Variants in PCDHGB5 observed in about 807,000 individuals in gnomAD.
The protein encoded by PCDHGB5 is protocadherin gamma subfamily B, 5, also known as protocadherin gamma-B5.
A neutral mutation model predicts 62.9 loss-of-function variants in PCDHGB5; 48 were observed. That is an observed-to-expected ratio of 0.76 (90% confidence interval 0.61 to 0.97). The LOEUF is 0.97. Among genes scored for constraint, PCDHGB5 ranks in the 50% least tolerant of loss-of-function variants. The probability of loss-of-function intolerance (pLI) is 0.00; values close to 1 mark genes in which losing one functional copy is unlikely to be tolerated. For missense variants in PCDHGB5, 1,118 were observed against 1,198.6 expected (o/e 0.93, Z 0.99); for synonymous variants, 474 against 511.2 (o/e 0.93, Z 0.98).
At chr5:141,415,508 A>G in intron 1 of PCDHGB5, 2 of 1,614,168 alleles carry the variant, frequency 1.2e-6, no homozygotes, top group Non-Finnish European at 1.7e-6. Flanking sequence ...CCCCAGCCCA[A>G]TTATGCGGAC....
Position 141,485,739 on chromosome 5 carries a change from G to A in PCDHGB5, c.2398-9068G>A. 6.2e-7 allele frequency: 1 copy of A among 1,614,234 alleles called. No individual in the cohort carries two copies. Among genetic ancestry groups the A allele is most frequent in the Non-Finnish European group, 8.5e-7 (1 of 1,180,042 alleles). ...GATGTGAAGAAGCGCAGCGACGGCA[G>A]CCTGGTCCCAGAGCTGCTCCTGGAG... On this transcript the variant is annotated intron_variant, in intron 1 of 3. Transcript: ENST00000617380. The surrounding 1 kb of genome is among the most constrained non-coding windows in gnomAD (Gnocchi z 5.7).
intron 1 of PCDHGB5, among the ~76,000 whole-genome samples, chr5:141,469,859 A>C (rs2099213257): frequency 6.6e-6 from 1 of 152,080 alleles, no homozygotes; most frequent in Non-Finnish European, 1.5e-5. Context: ...GACCGGGTGC[A>C]ATGGCTCACG....
At chr5:141,412,861 A>T (rs925106716) in intron 1 of PCDHGB5, 19 of 235,604 alleles carry the variant, frequency 8.1e-5, no homozygotes, top group African/African-American at 3.4e-4. Context: ...CAAAGAATCT[A>T]TGTAAAATAT....
Position 141,485,950 on chromosome 5 carries a change from G to A in PCDHGB5, c.2398-8857G>A. ...TGTTGGAGAGCGCACCAGCGGGCAT[G>A]GTGCTCATCCAGCTCAATGCCTCAG... On this transcript the variant is annotated intron_variant, in intron 1 of 3. Transcript: ENST00000617380. The surrounding 1 kb of genome is among the most constrained non-coding windows in gnomAD (Gnocchi z 5.7). 6.2e-7 allele frequency: 1 copy of A among 1,614,184 alleles called. No individual in the cohort carries two copies. The highest frequency in any genetic ancestry group is 8.5e-7 in the Non-Finnish European group (1 of 1,180,030).
chr5:141,483,711 A>G (rs1258383632), intron 1 of PCDHGB5, among the ~76,000 whole-genome samples: 2 of 152,122 alleles, frequency 1.3e-5, no homozygotes, highest in African/African-American at 2.4e-5. Context: ...TGACACCAGA[A>G]TATTGGTTCC....
chr5:141,447,298 C>T lies in PCDHGB5; in HGVS notation c.2397+46774C>T, dbSNP rs187482431. 1.7e-3 allele frequency among the ~76,000 whole-genome samples: 260 copies of T among 152,214 alleles called. 2 individuals carry two copies. Among genetic ancestry groups the T allele is most frequent in the African/African-American group, 5.8e-3 (239 of 41,534 alleles). ...GGGACTACAGGCACATGCCACCACA[C>T]CCGGCTAATTTTTGTATTTTTAGTA... On this transcript the variant is annotated intron_variant, in intron 1 of 3. Coordinates refer to ENST00000617380, the MANE Select transcript of PCDHGB5 (RefSeq NM_018925.3).
At position 141,400,431 on chromosome 5, in the gene PCDHGB5, A is replaced by T. The variant is rs542969819; in HGVS notation, c.2304A>T (p.Gln768His). 1 of 1,614,034 alleles carries T rather than the reference A, an allele frequency of 6.2e-7. No homozygotes were observed. ...TEFNFLKCSEQLSSGQDILCG... is the reference protein window; with the variant it reads ...TEFNFLKCSEHLSSGQDILCG... The stretch of plus-strand genomic sequence containing the variant: ...TTAATTTCCTAAAATGTAGTGAGCA[A>T]TTGAGTTCAGGACAAGACATACTTT... Residue 768 changes from glutamine to histidine, a missense_variant, in exon 1 of 4, where the codon CAA becomes CAT. Gln to His is a conservative substitution (Grantham distance 24). Coordinates refer to ENST00000617380, the MANE Select transcript of PCDHGB5 (RefSeq NM_018925.3).
Position 141,485,089 on chromosome 5 carries a change from G to A in PCDHGB5, c.2398-9718G>A. The stretch of plus-strand genomic sequence containing the variant: ...GAGCTGGCGCGGGGAAAGGGAGATA[G>A]GTGTCTCCAGCTGCTGTGGCTGTTT... On this transcript the variant is annotated intron_variant, in intron 1 of 3. Coordinates refer to ENST00000617380, the MANE Select transcript of PCDHGB5 (RefSeq NM_018925.3). This position sits in a 1 kb window ranked among gnomAD's most constrained non-coding sequence, Gnocchi z 5.7. 1 of 1,027,236 alleles carries A rather than the reference G, an allele frequency of 9.7e-7. No homozygotes were observed. The highest frequency in any genetic ancestry group is 1.5e-6 in the Non-Finnish European group (1 of 674,564). 63.6% of individuals were successfully genotyped at this position (1,027,236 alleles called of 1,614,324 possible). A position where few individuals can be genotyped will look rare whatever the true frequency, so the allele number is the denominator to read the frequency against.
Position 141,431,646 on chromosome 5 carries a change from G to A in PCDHGB5, c.2397+31122G>A. ...GCGGCCCAAGTTTTCAAACTAGATT[G>A]TAATTCAGGGACAATATCAACAATA... On this transcript the variant is annotated intron_variant, in intron 1 of 3. Coordinates refer to ENST00000617380, the MANE Select transcript of PCDHGB5 (RefSeq NM_018925.3). The surrounding 1 kb of genome is among the most constrained non-coding windows in gnomAD (Gnocchi z 4.8). 2 of 1,614,252 alleles carry A rather than the reference G, an allele frequency of 1.2e-6. No individual in the cohort carries two copies. Among genetic ancestry groups the A allele is most frequent in the Non-Finnish European group, 1.7e-6 (2 of 1,180,046 alleles).
intron 1 of PCDHGB5, chr5:141,478,446 G>A: frequency 6.2e-7 from 1 of 1,613,520 alleles, no homozygotes; most frequent in Non-Finnish European, 8.5e-7. Flanking sequence ...AAGAAACCTG[G>A]TGCAGCCAGT....
intron 1 of PCDHGB5, chr5:141,424,728 G>A (rs907091181): frequency 1.3e-5 from 2 of 152,102 alleles, no homozygotes; most frequent in African/African-American, 2.4e-5. Flanking sequence ...GGGAGTCATA[G>A]ATTCCTTCTT....
At chr5:141,508,664 T>C (rs1381178258) in intron 3 of PCDHGB5, among the ~76,000 whole-genome samples, 1 of 152,030 alleles carries the variant, frequency 6.6e-6, no homozygotes, top group Non-Finnish European at 1.5e-5. Context: ...TGTCATTCTG[T>C]CTCTGCCTCC....
intron 1 of PCDHGB5, among the ~76,000 whole-genome samples, chr5:141,448,086 TAA>T (rs558292628): frequency 6.8e-6 from 1 of 146,354 alleles, no homozygotes; most frequent in Middle Eastern, 3.2e-3. Flanking sequence ...AATGCCATCT[TAA>T]AAAAAAAAAA....
At chr5:141,482,570 C>A (rs2099568543) in intron 1 of PCDHGB5, among the ~76,000 whole-genome samples, 1 of 144,954 alleles carries the variant, frequency 6.9e-6, no homozygotes, top group African/African-American at 2.6e-5. Context: ...ATCTGCATAG[C>A]ATAAGATGCA....
intron 1 of PCDHGB5, chr5:141,440,535 G>A (rs1305958587): frequency 1.3e-5 from 2 of 152,154 alleles, no homozygotes; most frequent in East Asian, 1.9e-4. Flanking sequence ...CATGCACCAC[G>A]GTTCAGCAGG....
In PCDHGB5 at chr5:141,399,634, A is replaced by C; in HGVS notation, c.1507A>C (p.Met503Leu). The C allele has an allele frequency of 6.2e-7, 1 of 1,613,860 alleles. No homozygotes were observed. Among genetic ancestry groups the C allele is most frequent in the East Asian group, 2.2e-5 (1 of 44,876 alleles). Reference sequence around the variant, plus strand: ...TCTGGCACTGGCCTCTTACGTGTCCATGAGCGCGCAAAGTGGGGTGGTGTT... The same window carrying C: ...TCTGGCACTGGCCTCTTACGTGTCCCTGAGCGCGCAAAGTGGGGTGGTGTT... ...EPLALASYVS[M>L]SAQSGVVFAQ... Residue 503 changes from methionine to leucine, a missense_variant, in exon 1 of 4, where the codon ATG becomes CTG. Coordinates refer to ENST00000617380, the MANE Select transcript of PCDHGB5 (RefSeq NM_018925.3).
At chr5:141,421,449 G>A (rs2096574013) in intron 1 of PCDHGB5, 2 of 1,614,010 alleles carry the variant, frequency 1.2e-6, no homozygotes, top group African/African-American at 1.3e-5. Flanking sequence ...GGAAGACACA[G>A]CTTTTCGCTG....
chr5:141,467,287 A>C (rs2099140956), intron 1 of PCDHGB5, among the ~76,000 whole-genome samples: 1 of 152,082 alleles, frequency 6.6e-6, no homozygotes, highest in Admixed American at 6.6e-5. Flanking sequence ...TCTTGACCTC[A>C]AGTGATCCAC....
chr5:141,414,909 C>T (rs1230113440), intron 1 of PCDHGB5: 10 of 1,614,102 alleles, frequency 6.2e-6, no homozygotes, highest in Admixed American at 1.7e-5. Context: ...GTTCCACAGG[C>T]GTGGAGCTGG....
Sources: gnomAD v4.1 joint callset for allele counts (sites outside exome capture counted in the v4.1 genomes callset) on GRCh38, gnomAD v4.1.1 for gene constraint, Gnocchi (gnomAD v3.1) non-coding constraint, MANE v1.5 for transcripts, NCBI Gene and HGNC (gene_info 2026-07-23, HGNC 2026-07-21) for gene names.